UTY: variants seen among roughly 807,000 people sequenced by gnomAD.
The protein encoded by UTY is histone demethylase UTY.
A neutral mutation model predicts 32.5 loss-of-function variants in UTY; 12 were observed. That is an observed-to-expected ratio of 0.37 (90% confidence interval 0.24 to 0.60). UTY has a LOEUF of 0.60. Ranked by LOEUF, UTY falls within the 20% of genes least tolerant of loss-of-function variation. UTY has a pLI of 0.69. For synonymous variants in UTY, 131 were observed against 103.4 expected, an observed-to-expected ratio of 1.27 and a Z score of -1.62; for missense variants, 303 against 299.2, an observed-to-expected ratio of 1.01 and a Z score of -0.09.
chrY:13,337,752 T>A, intron 17 of UTY, among the ~76,000 whole-genome samples: 1 of 33,261 alleles, frequency 3.0e-5, no homozygotes, highest in African/African-American at 1.2e-4. Context: ...AAAGAGTCTA[T>A]AAATACATCC....
intron 8 of UTY, among the ~76,000 whole-genome samples, chrY:13,374,569 TA>T (rs2065249377): frequency 3.0e-5 from 1 of 32,927 alleles, no homozygotes; most frequent in Non-Finnish European, 7.5e-5. Flanking sequence ...CATAAACATT[TA>T]AAAAACATCT....
At chrY:13,423,862 T>C (rs2072921354) in intron 4 of UTY, among the ~76,000 whole-genome samples, 3 of 32,858 alleles carry the variant, frequency 9.1e-5, no homozygotes, top group Non-Finnish European at 2.2e-4. Context: ...CAACAGGAAG[T>C]TGTGTCACTA....
intron 18 of UTY, among the ~76,000 whole-genome samples, 197 bp from the exon 19 acceptor site, chrY:13,326,547 TAC>T: frequency 3.0e-5 from 1 of 33,836 alleles, no homozygotes; most frequent in East Asian, 7.6e-4. Context: ...CAAAATATAC[TAC>T]ACAGAGTGCA....
In UTY at chrY:13,357,941, T is replaced by C. The variant is rs2063134647; in HGVS notation, c.1505A>G (p.Gln502Arg). Residue 502 changes from glutamine to arginine, a missense_variant, in exon 15 of 30, where the codon CAG becomes CGG. Transcript: ENST00000545955. The stretch of plus-strand genomic sequence containing the variant: ...CTGTACTGGATGATGTGAAAGACTC[T>C]GGCCACCATTCCAGTTATCAGAACC... ...KNGSDNWNGG[Q>R]SLSHHPVQQV... 1 of 395,752 alleles carries C rather than the reference T, an allele frequency of 2.5e-6. No homozygotes were observed. The highest frequency in any genetic ancestry group is 3.5e-6 in the Non-Finnish European group (1 of 282,334).
intron 6 of UTY, among the ~76,000 whole-genome samples, chrY:13,397,540 T>G: frequency 8.9e-5 from 3 of 33,671 alleles, no homozygotes; most frequent in Non-Finnish European, 1.5e-4. Flanking sequence ...TGTTCTTTGC[T>G]GATAAATTTT....
chrY:13,428,284 G>A, intron 4 of UTY, among the ~76,000 whole-genome samples: 1 of 33,693 alleles, frequency 3.0e-5, no homozygotes, highest in Non-Finnish European at 7.4e-5. Context: ...ATCTTCAGAA[G>A]AGTTTGTCCT....
intron 25 of UTY, 28 bp from the exon 26 acceptor site, chrY:13,299,172 T>C: frequency 3.9e-6 from 1 of 254,316 alleles, no homozygotes; most frequent in Non-Finnish European, 5.6e-6. Flanking sequence ...GAAAATCAGG[T>C]TGAAAGGTGT....
intron 25 of UTY, among the ~76,000 whole-genome samples, chrY:13,301,324 G>A: frequency 3.1e-5 from 1 of 32,449 alleles, no homozygotes; most frequent in South Asian, 6.8e-4. Flanking sequence ...TAAAATTAGA[G>A]AAAATTTTGT....
At chrY:13,432,899 C>T in intron 4 of UTY, among the ~76,000 whole-genome samples, 1 of 33,528 alleles carries the variant, frequency 3.0e-5, no homozygotes, top group South Asian at 6.6e-4. Context: ...TTCACTGCTG[C>T]CCTTACCCAG....
chrY:13,414,217 C>T (rs779098464), intron 5 of UTY, among the ~76,000 whole-genome samples: 193 of 33,493 alleles, frequency 5.8e-3, no homozygotes, highest in African/African-American at 0.022. Flanking sequence ...ATATTTATGA[C>T]GGATTATACA....
At chrY:13,397,709 C>T in intron 6 of UTY, among the ~76,000 whole-genome samples, 1 of 33,502 alleles carries the variant, frequency 3.0e-5, no homozygotes, top group African/African-American at 1.2e-4. Flanking sequence ...TATATTTCTA[C>T]TCTAAATATA....
chrY:13,444,696 TCA>T, intron 4 of UTY, among the ~76,000 whole-genome samples: 1 of 33,840 alleles, frequency 3.0e-5, no homozygotes. Flanking sequence ...TACTAATCCT[TCA>T]CAAACTCTTT....
At chrY:13,292,977 A>G in intron 27 of UTY, among the ~76,000 whole-genome samples, 1 of 33,784 alleles carries the variant, frequency 3.0e-5, no homozygotes, top group Non-Finnish European at 7.3e-5. Context: ...TCCTCGGGAA[A>G]TAATAATGGT....
At chrY:13,394,917 C>G in intron 7 of UTY, among the ~76,000 whole-genome samples, 1 of 32,764 alleles carries the variant, frequency 3.1e-5, no homozygotes, top group Non-Finnish European at 7.5e-5. Context: ...TGGAAAGCAG[C>G]CCCTTTAATA....
chrY:13,446,615 T>TAGAC (rs1452698833), intron 4 of UTY, among the ~76,000 whole-genome samples: 39 of 13,461 alleles, frequency 2.9e-3, no homozygotes, highest in East Asian at 7.8e-3. Flanking sequence ...GATAGATAGA[T>TAGAC]AGATAGACAG....
At chrY:13,252,284 G>C (rs759253319) in intron 28 of UTY, among the ~76,000 whole-genome samples, 1 of 32,714 alleles carries the variant, frequency 3.1e-5, no homozygotes, top group African/African-American at 1.2e-4. Context: ...ATCAACAGGA[G>C]TAACAGTGCT....
chrY:13,267,685 G>A (rs983467957), intron 27 of UTY, among the ~76,000 whole-genome samples: 44 of 33,327 alleles, frequency 1.3e-3, no homozygotes, highest in African/African-American at 5.2e-3. Context: ...TGCTTCCTTC[G>A]GGAGCTCTTT....
At chrY:13,251,907 G>GC (rs2054189400) in intron 28 of UTY, among the ~76,000 whole-genome samples, 1 of 32,471 alleles carries the variant, frequency 3.1e-5, no homozygotes, top group Non-Finnish European at 7.5e-5. Flanking sequence ...TTGGCCGGGC[G>GC]CGGTGGCTCA....
chrY:13,380,506 A>C, intron 8 of UTY, among the ~76,000 whole-genome samples: 1 of 32,631 alleles, frequency 3.1e-5, no homozygotes, highest in African/African-American at 1.2e-4. Context: ...TAAATTACCT[A>C]TAACGGGAAT....
Sources: gnomAD v4.1 joint callset for allele counts (sites outside exome capture counted in the v4.1 genomes callset) on GRCh38, gnomAD v4.1.1 for gene constraint, MANE v1.5 for transcripts, NCBI Gene and HGNC (gene_info 2026-07-23, HGNC 2026-07-21) for gene names.